CEP290: variants seen among roughly 807,000 people sequenced by gnomAD.
The protein encoded by CEP290 is centrosomal protein 290, also known as centrosomal protein of 290 kDa.
A neutral mutation model predicts 344.9 loss-of-function variants in CEP290; 317 were observed. The observed-to-expected ratio is 0.92, with a 90% confidence interval of 0.84 to 1.01. CEP290 has a LOEUF of 1.01. Ranked by LOEUF, CEP290 falls within the 50% of genes least tolerant of loss-of-function variation. The pLI, the probability that CEP290 is intolerant of heterozygous loss-of-function variation, is 0.00. For missense variants in CEP290, 2,754 were observed against 2,761.4 expected (o/e 1.00, Z 0.06); for synonymous variants, 932 against 895.8 (o/e 1.04, Z -0.72).
intron 25 of CEP290, among the ~76,000 whole-genome samples, chr12:88,105,204 C>T (rs531675723): frequency 1.1e-4 from 17 of 152,282 alleles, no homozygotes; most frequent in Non-Finnish European, 2.1e-4. Context: ...TTTGAGGCTT[C>T]GTTCAAAAGA....
At chr12:88,112,623 A>T (rs2038771852) in intron 20 of CEP290, among the ~76,000 whole-genome samples, 1 of 152,132 alleles carries the variant, frequency 6.6e-6, no homozygotes, top group Non-Finnish European at 1.5e-5. Flanking sequence ...AAAACTGTTA[A>T]AGGCAAAGTA....
chr12:88,128,987 G>GATC lies in CEP290; in HGVS notation c.898_900dup (p.Asp300dup). On this transcript the variant is annotated inframe_insertion, in exon 11 of 54. Transcript: ENST00000552810. The stretch of plus-strand genomic sequence containing the variant: ...TTTGCATTGACAGCTACCATAATTG[G>GATC]ATCATCTTCTTCATTTTTTGATTTC... The GATC allele has an allele frequency of 6.5e-7, 1 of 1,537,410 alleles. No homozygotes were observed. Among genetic ancestry groups the GATC allele is most frequent in the Non-Finnish European group, 8.7e-7 (1 of 1,151,910 alleles).
intron 49 of CEP290, chr12:88,058,339 A>G (rs2034183624): frequency 6.5e-6 from 1 of 153,456 alleles, no homozygotes; most frequent in Non-Finnish European, 1.4e-5. Context: ...GCTGGTGCTG[A>G]ATTCATCTCT....
chr12:88,103,082 AAAGAT>A, intron 25 of CEP290, 71 bp from the exon 26 acceptor site: 2 of 915,740 alleles, frequency 2.2e-6, no homozygotes, highest in Non-Finnish European at 3.1e-6. Context: ...CACTTTTGAG[AAAGAT>A]AATACAACTT....
chr12:88,075,651 A>G (rs1284351416), intron 41 of CEP290, among the ~76,000 whole-genome samples: 3 of 152,130 alleles, frequency 2.0e-5, no homozygotes, highest in African/African-American at 7.2e-5. Context: ...GTTTTGTTAC[A>G]TAGGTAGACT....
At chr12:88,094,643 C>T (rs774094227) in intron 27 of CEP290, among the ~76,000 whole-genome samples, 1 of 148,958 alleles carries the variant, frequency 6.7e-6, no homozygotes, top group Non-Finnish European at 1.5e-5. Flanking sequence ...AAAAAGGCAT[C>T]GCATAGGAGT....
chr12:88,097,360 G>GT (rs2037505615), intron 26 of CEP290, among the ~76,000 whole-genome samples: 1 of 151,836 alleles, frequency 6.6e-6, no homozygotes, highest in Non-Finnish European at 1.5e-5. Context: ...ATGTCTGATG[G>GT]TTTTATAAGG....
In CEP290 at chr12:88,119,989, G is replaced by A; in HGVS notation, c.1522+125C>T. 1.0e-5 allele frequency: 5 copies of A among 492,780 alleles called. No individual in the cohort carries two copies. In the South Asian group the frequency reaches 2.2e-4, roughly 22 times the overall value. 30.5% of individuals were successfully genotyped at this position (492,780 alleles called of 1,614,324 possible). A position where few individuals can be genotyped will look rare whatever the true frequency, so the allele number is the denominator to read the frequency against. On this transcript the variant is annotated intron_variant, in intron 15 of 53. Coordinates refer to ENST00000552810, the MANE Select transcript of CEP290 (RefSeq NM_025114.4). Reference sequence around the variant, plus strand: ...AGCTCCACTTTTATTTGTATTAAATGTTTTATAAAAGCATTTGAAAAAAGC... The same window carrying A: ...AGCTCCACTTTTATTTGTATTAAATATTTTATAAAAGCATTTGAAAAAAGC...
intron 11 of CEP290, among the ~76,000 whole-genome samples, 187 bp downstream of exon 11, chr12:88,128,759 C>A (rs943397044): frequency 6.6e-6 from 1 of 151,904 alleles, no homozygotes; most frequent in Non-Finnish European, 1.5e-5. Context: ...CATTCAATAA[C>A]AAATTAGCTA....
At chr12:88,111,926 G>T in intron 20 of CEP290, 68 bp from the exon 21 acceptor site, 1 of 1,142,620 alleles carries the variant, frequency 8.8e-7, no homozygotes, top group Non-Finnish European at 1.2e-6. Flanking sequence ...AAAACAGTCT[G>T]TCTTTAAATA....
chr12:88,139,411 GAATAT>G, intron 4 of CEP290, 79 bp downstream of exon 4: 1 of 766,356 alleles, frequency 1.3e-6, no homozygotes, highest in Non-Finnish European at 1.9e-6. Context: ...ATATTTTATA[GAATAT>G]AATTTAATTT....
At chr12:88,072,298 G>C (rs1565813799) in intron 41 of CEP290, among the ~76,000 whole-genome samples, 1 of 15,914 alleles carries the variant, frequency 6.3e-5, no homozygotes, top group Non-Finnish European at 1.6e-3. Context: ...AGTTTTGACT[G>C]TGTTTTGACT....
chr12:88,081,512 A>G (rs1414751232), intron 37 of CEP290, among the ~76,000 whole-genome samples: 2 of 152,220 alleles, frequency 1.3e-5, no homozygotes, highest in African/African-American at 4.8e-5. Context: ...ATTCTGACCA[A>G]TAAGAGGGAG....
chr12:88,059,414 TTTTG>T (rs2034279647), intron 48 of CEP290, among the ~76,000 whole-genome samples: 1 of 152,298 alleles, frequency 6.6e-6, no homozygotes, highest in African/African-American at 2.4e-5. Context: ...CATTTCTTTT[TTTTG>T]TTTGTTTGAG....
rs1334034039 is a variant in CEP290 at position 88,059,926 on chromosome 12, T to C, written c.6617A>G (p.Asn2206Ser). ...TTTAAGTTCTTTACGAAGCCTTTCATTTTCAGCAATAATTTTTTCTGTGCC... is the reference window on the plus strand; with the variant it reads ...TTTAAGTTCTTTACGAAGCCTTTCACTTTCAGCAATAATTTTTTCTGTGCC... ...TKGTEKIIAE[N>S]ERLRKELKKE... The change falls in exon 48 of 54, where the codon AAT (asparagine) becomes AGT (serine). Residue 2206 changes from asparagine (N) to serine (S), a missense_variant. Physicochemically the swap from Asn to Ser is conservative, Grantham distance 46. Coordinates refer to ENST00000552810, the MANE Select transcript of CEP290 (RefSeq NM_025114.4). 6 of 1,595,036 alleles carry C rather than the reference T, an allele frequency of 3.8e-6. No homozygotes were observed.
chr12:88,106,256 A>G (rs1292114876), intron 25 of CEP290, among the ~76,000 whole-genome samples: 1 of 152,216 alleles, frequency 6.6e-6, no homozygotes, highest in Non-Finnish European at 1.5e-5. Flanking sequence ...ACACACACAC[A>G]AAAGTTAGAT....
intron 17 of CEP290, among the ~76,000 whole-genome samples, chr12:88,117,726 A>C (rs1055472108): frequency 3.3e-5 from 5 of 152,204 alleles, no homozygotes; most frequent in Non-Finnish European, 4.4e-5. Flanking sequence ...ATAAAACATT[A>C]CTTTCACTTA....
intron 52 of CEP290, among the ~76,000 whole-genome samples, chr12:88,052,608 G>A (rs1458396353): frequency 6.6e-6 from 1 of 151,902 alleles, no homozygotes; most frequent in African/African-American, 2.4e-5. Flanking sequence ...CTGCTGCTAC[G>A]GGAAATATGT....
In CEP290 at chr12:88,109,138, G is replaced by T. The variant is rs1442460263; in HGVS notation, c.2411C>A (p.Ser804Tyr). Residue 804 changes from serine (S) to tyrosine (Y), a missense_variant, in exon 23 of 54, where the codon TCT becomes TAT. Ser to Tyr is a moderately radical substitution (Grantham distance 144). Coordinates refer to ENST00000552810, the MANE Select transcript of CEP290 (RefSeq NM_025114.4). ...KEKKLKNLED[S>Y]LEDYNRKFAV... ...AAATTTTCTGTTGTAATCTTCAAGA[G>T]AATCTTCTAAATTCTTTAACTTTTT... The T allele has an allele frequency of 2.1e-6, 3 of 1,454,510 alleles. No homozygotes were observed. The East Asian group carries it at 7.5e-5, about 37-fold the overall frequency. 90.1% of individuals were successfully genotyped at this position (1,454,510 alleles called of 1,614,324 possible).
Sources: gnomAD v4.1 joint callset for allele counts (sites outside exome capture counted in the v4.1 genomes callset) on GRCh38, gnomAD v4.1.1 for gene constraint, MANE v1.5 for transcripts, NCBI Gene and HGNC (gene_info 2026-07-23, HGNC 2026-07-21) for gene names.